Variants in UBE2D2 observed in about 807,000 individuals in gnomAD.
The protein encoded by UBE2D2 is ubiquitin-conjugating enzyme E2 D2.
In UBE2D2, 2 loss-of-function variants were observed where a neutral mutation model predicts 24.2. The observed-to-expected ratio is 0.08, with a 90% confidence interval of 0.03 to 0.26. UBE2D2 has a LOEUF of 0.26. Among genes scored for constraint, UBE2D2 ranks in the 10% least tolerant of loss-of-function variants. The pLI is 1.00. For missense variants in UBE2D2, 44 were observed against 177.6 expected, an observed-to-expected ratio of 0.25 and a Z score of 4.28; for synonymous variants, 58 against 56.5, an observed-to-expected ratio of 1.03 and a Z score of -0.12.
intron 1 of UBE2D2, among the ~76,000 whole-genome samples, chr5:139,590,449 A>T (rs1753819233): frequency 6.6e-6 from 1 of 151,666 alleles, no homozygotes; most frequent in Non-Finnish European, 1.5e-5. Context: ...AAAATAAAAA[A>T]AAAAAAAAGA....
At chr5:139,541,005 A>C (rs1752752338) in intron 1 of UBE2D2, among the ~76,000 whole-genome samples, 1 of 150,822 alleles carries the variant, frequency 6.6e-6, no homozygotes, top group Non-Finnish European at 1.5e-5. Context: ...AAAAAAAAAA[A>C]GTCTGGATGC....
intron 2 of UBE2D2, among the ~76,000 whole-genome samples, chr5:139,600,774 A>G (rs148448518): frequency 6.6e-6 from 1 of 152,220 alleles, no homozygotes; most frequent in East Asian, 1.9e-4. Flanking sequence ...CTGACTTTCT[A>G]CTGACTCATA....
intron 2 of UBE2D2, among the ~76,000 whole-genome samples, chr5:139,614,315 C>T (rs1754382209): frequency 6.6e-6 from 1 of 152,048 alleles, no homozygotes; most frequent in Non-Finnish European, 1.5e-5. Context: ...GCAGTCCTCT[C>T]ACCTCAGCTT....
chr5:139,623,427 G>A lies in UBE2D2; in HGVS notation c.364G>A (p.Glu122Lys). Residue 122 changes from glutamate (E) to lysine (K), a missense_variant, in exon 6 of 7, where the codon GAG becomes AAG. Coordinates refer to ENST00000398733, the MANE Select transcript of UBE2D2 (RefSeq NM_003339.3). ...CAATCCAGATGATCCTTTAGTGCCT[G>A]AGATTGCTCGGATCTACAAAACAGA... ...DPNPDDPLVP[E>K]IARIYKTDRE... 1 of 1,603,610 alleles carries A rather than the reference G, an allele frequency of 6.2e-7. No individual in the cohort carries two copies. The highest frequency in any genetic ancestry group is 8.5e-7 in the Non-Finnish European group (1 of 1,172,052).
chr5:139,613,340 A>G (rs373130997), intron 2 of UBE2D2, among the ~76,000 whole-genome samples: 2 of 152,334 alleles, frequency 1.3e-5, no homozygotes, highest in African/African-American at 4.8e-5. Context: ...ATATAACCCC[A>G]GTGACAACTT....
chr5:139,623,858 G>A (rs546778221), intron 6 of UBE2D2, among the ~76,000 whole-genome samples: 2 of 151,456 alleles, frequency 1.3e-5, no homozygotes, highest in African/African-American at 2.4e-5. Context: ...CGCCAGGTTC[G>A]TTTTTTTTGT....
intron 1 of UBE2D2, among the ~76,000 whole-genome samples, chr5:139,587,368 G>A (rs1037131055): frequency 3.3e-5 from 5 of 152,058 alleles, no homozygotes; most frequent in Non-Finnish European, 5.9e-5. Context: ...GAAAGCGAGC[G>A]AAAGCTCAGC....
Position 139,583,079 on chromosome 5 carries a change from A to G in UBE2D2, c.25-17293A>G, listed in dbSNP as rs547814568. ...ATCTTCCGCCTCTTGGGTTCCAGTG[A>G]TTCTCCCGCTTCAGCCTCCCTAGTA... On this transcript the variant is annotated intron_variant, in intron 1 of 6. Transcript: ENST00000398733. 4.0e-5 allele frequency among the ~76,000 whole-genome samples: 6 copies of G among 149,638 alleles called. No individual in the cohort carries two copies. In the South Asian group the frequency reaches 1.3e-3, roughly 31 times the overall value.
At chr5:139,556,096 C>T (rs750702114) in intron 1 of UBE2D2, among the ~76,000 whole-genome samples, 2 of 142,394 alleles carry the variant, frequency 1.4e-5, no homozygotes, top group Non-Finnish European at 3.1e-5. Context: ...ATCATCTGGG[C>T]ATGGTGGCAC....
intron 1 of UBE2D2, chr5:139,562,162 T>C: frequency 3.8e-6 from 5 of 1,327,054 alleles, no homozygotes; most frequent in Non-Finnish European, 4.9e-6. Context: ...AGGGGGGCGC[T>C]GGGGCGTTGG....
At chr5:139,566,031 CTTTT>C (rs397882200) in intron 1 of UBE2D2, among the ~76,000 whole-genome samples, 2 of 139,354 alleles carry the variant, frequency 1.4e-5, no homozygotes, top group Non-Finnish European at 3.1e-5. Context: ...TTTTTTCTTT[CTTTT>C]TTTTTTTTTT....
Position 139,623,359 on chromosome 5 carries a change from T to C in UBE2D2, c.305-9T>C. 6.4e-7 allele frequency: 1 copy of C among 1,562,282 alleles called. No individual in the cohort carries two copies. Among genetic ancestry groups the C allele is most frequent in the Non-Finnish European group, 8.7e-7 (1 of 1,143,784 alleles). ...CCTCTGCTAATTTATATGATTTTTT[T>C]CATTCTAGTACTCTTGTCCATCTGT... On this transcript the variant is annotated splice_polypyrimidine_tract_variant and intron_variant, in intron 5 of 6. Coordinates refer to ENST00000398733, the MANE Select transcript of UBE2D2 (RefSeq NM_003339.3).
intron 1 of UBE2D2, among the ~76,000 whole-genome samples, chr5:139,585,971 A>T (rs1753718963): frequency 6.6e-6 from 1 of 151,020 alleles, no homozygotes; most frequent in Non-Finnish European, 1.5e-5. Context: ...AGAAGAAAGA[A>T]ATACAGCTAT....
chr5:139,562,405 A>C (rs776620354), intron 1 of UBE2D2: 23 of 1,310,514 alleles, frequency 1.8e-5, no homozygotes, highest in Non-Finnish European at 2.3e-5. Context: ...AGAAAAAAAA[A>C]AGGTGACTTA....
In UBE2D2 at chr5:139,566,650, A is replaced by G. The variant is rs531273246; in HGVS notation, c.24+4835A>G. Among the ~76,000 whole-genome samples, 9 of 152,232 alleles carry G rather than the reference A, an allele frequency of 5.9e-5. No individual in the cohort carries two copies. In the East Asian group the frequency reaches 7.7e-4, roughly 13 times the overall value. ...TGATCAAGCCGCTACACTCCAGCCTATGCAACAGAGTGAGACCCTGTCTCA... is the reference window on the plus strand; with the variant it reads ...TGATCAAGCCGCTACACTCCAGCCTGTGCAACAGAGTGAGACCCTGTCTCA... On this transcript the variant is annotated intron_variant, in intron 1 of 6. Transcript: ENST00000398733.
intron 1 of UBE2D2, among the ~76,000 whole-genome samples, chr5:139,538,821 G>A (rs1000792162): frequency 4.0e-5 from 6 of 149,594 alleles, no homozygotes; most frequent in African/African-American, 2.5e-5. Flanking sequence ...TGCGGTGAGC[G>A]ATCATGCCAT....
intron 1 of UBE2D2, among the ~76,000 whole-genome samples, chr5:139,551,552 T>C (rs1372673833): frequency 1.3e-5 from 2 of 152,152 alleles, no homozygotes; most frequent in Non-Finnish European, 2.9e-5. Context: ...CCTGTGAATA[T>C]AAAGTGTTTT....
At chr5:139,554,550 CATA>C (rs1252729117) in intron 1 of UBE2D2, among the ~76,000 whole-genome samples, 2 of 152,144 alleles carry the variant, frequency 1.3e-5, no homozygotes, top group East Asian at 3.8e-4. Context: ...TTGAATGTGT[CATA>C]ATGTGTTATT....
At chr5:139,572,732 G>A (rs922411494) in intron 1 of UBE2D2, among the ~76,000 whole-genome samples, 5 of 148,372 alleles carry the variant, frequency 3.4e-5, no homozygotes, top group Admixed American at 6.8e-5. Context: ...TGCAACCTCC[G>A]CCTCTCAGGC....
Sources: allele counts gnomAD v4.1 joint callset (sites outside exome capture counted in the v4.1 genomes callset), GRCh38; gene constraint gnomAD v4.1.1; transcripts MANE v1.5; gene names NCBI Gene and HGNC (gene_info 2026-07-23, HGNC 2026-07-21).